HDAC4: variants seen among roughly 807,000 people sequenced by gnomAD.
The protein encoded by HDAC4 is histone deacetylase 4.
Under a neutral mutation model 135.1 loss-of-function variants are expected in HDAC4, and 16 were observed. The ratio of observed to expected loss-of-function variants is 0.12; its 90% confidence interval spans 0.08 to 0.18. The LOEUF (loss-of-function observed/expected upper bound fraction) is 0.18. Ranked by LOEUF, HDAC4 falls within the 10% of genes least tolerant of loss-of-function variation. HDAC4 has a pLI of 1.00. For synonymous variants in HDAC4, 685 were observed against 653.4 expected, an observed-to-expected ratio of 1.05 and a Z score of -0.74; for missense variants, 1,143 against 1,511.8, an observed-to-expected ratio of 0.76 and a Z score of 4.05.
intron 17 of HDAC4, among the ~76,000 whole-genome samples, chr2:239,092,416 C>T (rs530694091): frequency 5.4e-4 from 82 of 152,290 alleles, no homozygotes; most frequent in African/African-American, 1.9e-3. Flanking sequence ...CTCCAACATA[C>T]AATGAACTAG....
At chr2:239,339,087 T>C (rs1692128482) in intron 2 of HDAC4, among the ~76,000 whole-genome samples, 1 of 152,264 alleles carries the variant, frequency 6.6e-6, no homozygotes, top group Non-Finnish European at 1.5e-5. Flanking sequence ...AAAGATGTTA[T>C]ATTGACAAGT....
At chr2:239,227,509 AG>A (rs2047310024) in intron 3 of HDAC4, among the ~76,000 whole-genome samples, 1 of 152,210 alleles carries the variant, frequency 6.6e-6, no homozygotes, top group African/African-American at 2.4e-5. Flanking sequence ...CCTCTGCTAC[AG>A]ATGGCAGATA....
In HDAC4 at chr2:239,270,273, G is replaced by A. The variant is rs528164170; in HGVS notation, c.23-33609C>T. Among the ~76,000 whole-genome samples, 187 of 152,320 alleles carry A rather than the reference G, an allele frequency of 1.2e-3. No homozygotes were observed. The Middle Eastern group carries it at 0.017, about 14-fold the overall frequency. ...TGGATGACGGAAACAGAAAAGCGCC[G>A]TTGGTGACACCTTGGAGAGGGAAAT... On this transcript the variant is annotated intron_variant, in intron 2 of 26. Coordinates refer to ENST00000543185, the MANE Select transcript of HDAC4 (RefSeq NM_001378414.1).
chr2:239,130,300 C>G lies in HDAC4; in HGVS notation c.1295-3606G>C, dbSNP rs961512324. ...ATTATAGGACATGAACCACGGCCAG[C>G]TGTGCTCAAGCCCTTCCTGGGACTC... On this transcript the variant is annotated intron_variant, in intron 11 of 26. Coordinates refer to ENST00000543185, the MANE Select transcript of HDAC4 (RefSeq NM_001378414.1). Among the ~76,000 whole-genome samples the G allele has an allele frequency of 2.6e-5, 4 of 152,222 alleles. No individual in the cohort carries two copies. In the South Asian group the frequency reaches 8.3e-4, roughly 32 times the overall value.
chr2:239,324,416 A>G (rs1220873177), intron 2 of HDAC4, among the ~76,000 whole-genome samples: 1 of 152,200 alleles, frequency 6.6e-6, no homozygotes, highest in Non-Finnish European at 1.5e-5. Flanking sequence ...CAATTTTTAA[A>G]CTCCTTCAGA....
chr2:239,107,948 G>T, intron 15 of HDAC4, 102 bp downstream of exon 15: 1 of 1,469,004 alleles, frequency 6.8e-7, no homozygotes, highest in Non-Finnish European at 9.4e-7. Flanking sequence ...TAAGCCCAAA[G>T]AACCACCTGC....
chr2:239,205,587 G>A (rs888925064), intron 3 of HDAC4, among the ~76,000 whole-genome samples: 2 of 152,150 alleles, frequency 1.3e-5, no homozygotes, highest in African/African-American at 2.4e-5. Flanking sequence ...GCAGAGAAAG[G>A]GGGAGGGAAG....
intron 24 of HDAC4, among the ~76,000 whole-genome samples, chr2:239,063,587 G>A (rs1191807092): frequency 6.6e-6 from 1 of 152,152 alleles, no homozygotes; most frequent in Admixed American, 6.5e-5. Flanking sequence ...GAAGATCCAG[G>A]GGTTTCAGTG....
At chr2:239,120,383 G>GCACA (rs2039540618) in intron 12 of HDAC4, among the ~76,000 whole-genome samples, 2 of 26,200 alleles carry the variant, frequency 7.6e-5, no homozygotes, top group Non-Finnish European at 1.3e-4. Context: ...ACCCGCAGAG[G>GCACA]CACACACAGA....
At chr2:239,335,947 A>G (rs1406112228) in intron 2 of HDAC4, among the ~76,000 whole-genome samples, 1 of 152,218 alleles carries the variant, frequency 6.6e-6, no homozygotes, top group Non-Finnish European at 1.5e-5. Flanking sequence ...TTACAGTAGC[A>G]TTATACATAA....
intron 2 of HDAC4, among the ~76,000 whole-genome samples, chr2:239,325,474 AAC>A (rs2053442414): frequency 6.6e-6 from 1 of 152,262 alleles, no homozygotes; most frequent in Admixed American, 6.5e-5. Flanking sequence ...AAAGATGTTC[AAC>A]ATCACTAATT....
At position 239,146,885 on chromosome 2, in the gene HDAC4, C is replaced by T. The variant is rs1433248131; in HGVS notation, c.734-2171G>A. On this transcript the variant is annotated intron_variant, in intron 7 of 26. Coordinates refer to ENST00000543185, the MANE Select transcript of HDAC4 (RefSeq NM_001378414.1). This position sits in a 1 kb window ranked among gnomAD's most constrained non-coding sequence, Gnocchi z 4.5. ...CCCTCACCTGTTTACCCCCTGCCTC[C>T]CAGCCTGCACACCTGCCTGGGCTCC... 6.6e-6 allele frequency among the ~76,000 whole-genome samples: 1 copy of T among 152,144 alleles called. No individual in the cohort carries two copies. The highest frequency in any genetic ancestry group is 1.5e-5 in the Non-Finnish European group (1 of 68,032).
intron 1 of HDAC4, among the ~76,000 whole-genome samples, chr2:239,394,408 A>G (rs550717260): frequency 6.6e-6 from 1 of 152,358 alleles, no homozygotes; most frequent in Non-Finnish European, 1.5e-5. Context: ...AAGCAGAGAA[A>G]AACTTCTTCA....
chr2:239,357,727 T>TA (rs144659253), intron 1 of HDAC4, among the ~76,000 whole-genome samples: 34,772 of 148,286 alleles, frequency 0.23, 5,791 homozygotes, highest in East Asian at 0.78. Context: ...CGACAAAAAA[T>TA]AATAAAAAAA....
chr2:239,049,736 TCCA>T lies in HDAC4; in HGVS notation c.*3358_*3360del, dbSNP rs2030535379. ...CTGAAACACCTTGACAAAGTGGCCCTCCAGAACCAGAGCCCTGGGACGCTGGGG... is the reference window on the plus strand; with the variant it reads ...CTGAAACACCTTGACAAAGTGGCCCTGAACCAGAGCCCTGGGACGCTGGGG... On this transcript the variant is annotated 3_prime_UTR_variant, in exon 27 of 27. Coordinates refer to ENST00000543185, the MANE Select transcript of HDAC4 (RefSeq NM_001378414.1). 1 of 152,196 alleles carries T rather than the reference TCCA, an allele frequency of 6.6e-6. No individual in the cohort carries two copies. Among genetic ancestry groups the T allele is most frequent in the Non-Finnish European group, 1.5e-5 (1 of 68,012 alleles). The allele number at this position is 152,196 out of a possible 1,614,324, so 9.4% of individuals were successfully genotyped here. A position where few individuals can be genotyped will look rare whatever the true frequency, so the allele number is the denominator to read the frequency against.
chr2:239,063,098 G>T (rs192613897), intron 24 of HDAC4, among the ~76,000 whole-genome samples: 2 of 152,296 alleles, frequency 1.3e-5, no homozygotes, highest in East Asian at 1.9e-4. Context: ...CATACTCCAG[G>T]TCTGCTGTCC....
chr2:239,207,020 A>G (rs1055391044), intron 3 of HDAC4, among the ~76,000 whole-genome samples: 1 of 152,190 alleles, frequency 6.6e-6, no homozygotes, highest in Non-Finnish European at 1.5e-5. Context: ...CCTAAACGCA[A>G]GTACTGGAGG....
chr2:239,288,258 C>G (rs773236809), intron 2 of HDAC4, among the ~76,000 whole-genome samples: 1 of 152,206 alleles, frequency 6.6e-6, no homozygotes, highest in Admixed American at 6.5e-5. Context: ...TCACAACAGA[C>G]GGAGTAAAAG....
Position 239,240,860 on chromosome 2 carries a change from G to A in HDAC4, c.23-4196C>T, listed in dbSNP as rs1204687390. Reference sequence around the variant, plus strand: ...GAGCATTGTTTGAGACTCGGAGTCCGCCCATGGGAGGAACAGGACTAAGAC... The same window carrying A: ...GAGCATTGTTTGAGACTCGGAGTCCACCCATGGGAGGAACAGGACTAAGAC... On this transcript the variant is annotated intron_variant, in intron 2 of 26. Transcript: ENST00000543185. The surrounding 1 kb of genome is among the most constrained non-coding windows in gnomAD (Gnocchi z 4.5). Among the ~76,000 whole-genome samples, 6 of 152,190 alleles carry A rather than the reference G, an allele frequency of 3.9e-5. No individual in the cohort carries two copies. The highest frequency in any genetic ancestry group is 1.3e-4 in the Admixed American group (2 of 15,282).
Sources: allele counts gnomAD v4.1 joint callset (sites outside exome capture counted in the v4.1 genomes callset), GRCh38; gene constraint gnomAD v4.1.1; non-coding constraint Gnocchi (gnomAD v3.1); transcripts MANE v1.5; gene names NCBI Gene and HGNC (gene_info 2026-07-23, HGNC 2026-07-21).